The following EXT1 variants were observed in gnomAD, a reference collection of about 807,000 sequenced individuals.
EXT1 encodes exostosin glycosyltransferase 1, also known as exostosin-1.
Under a neutral mutation model 82.5 loss-of-function variants are expected in EXT1, and 20 were observed. The ratio of observed to expected loss-of-function variants is 0.24; its 90% CI spans 0.17 to 0.35. The LOEUF is 0.35. Ranked by LOEUF, EXT1 falls within the 10% of genes least tolerant of loss-of-function variation. The pLI, the probability that EXT1 is intolerant of heterozygous loss-of-function variation, is 1.00. For missense variants in EXT1, 757 were observed against 936.5 expected (o/e 0.81, Z 2.50); for synonymous variants, 348 against 350.8 (o/e 0.99, Z 0.09).
intron 1 of EXT1, among the ~76,000 whole-genome samples, chr8:117,953,521 T>C (rs559313803): frequency 6.6e-6 from 1 of 151,754 alleles, no homozygotes; most frequent in African/African-American, 2.4e-5. Flanking sequence ...GTGGGTCACA[T>C]GTATGGTGAC....
intron 1 of EXT1, among the ~76,000 whole-genome samples, chr8:117,993,683 C>T (rs970835981): frequency 1.3e-5 from 2 of 152,308 alleles, no homozygotes; most frequent in Admixed American, 6.5e-5. Flanking sequence ...TGGAGACTCA[C>T]AATCCATGAG....
intron 1 of EXT1, among the ~76,000 whole-genome samples, chr8:117,894,451 C>T (rs1323918200): frequency 6.6e-6 from 1 of 152,090 alleles, no homozygotes; most frequent in Non-Finnish European, 1.5e-5. Flanking sequence ...TTCCTAATCC[C>T]ACCTCTACTT....
chr8:118,091,044 G>A (rs949174722), intron 1 of EXT1, among the ~76,000 whole-genome samples: 11 of 152,074 alleles, frequency 7.2e-5, no homozygotes, highest in African/African-American at 2.7e-4. Context: ...AAGTCAAGGA[G>A]GGGACATCTT....
chr8:117,992,850 C>T (rs779090139), intron 1 of EXT1, among the ~76,000 whole-genome samples: 10 of 152,204 alleles, frequency 6.6e-5, no homozygotes, highest in African/African-American at 1.9e-4. Flanking sequence ...CTCTTCTTCC[C>T]GGAATTCTTA....
chr8:118,069,723 T>C (rs1158272264), intron 1 of EXT1, among the ~76,000 whole-genome samples: 2 of 152,120 alleles, frequency 1.3e-5, no homozygotes, highest in African/African-American at 4.8e-5. Context: ...GGCTTGGGTT[T>C]TTGTTTTTAT....
At chr8:117,839,192 G>A (rs1258157196) in intron 1 of EXT1, among the ~76,000 whole-genome samples, 2 of 152,204 alleles carry the variant, frequency 1.3e-5, no homozygotes, top group Non-Finnish European at 2.9e-5. Context: ...GCTGTGGGAA[G>A]AATACCCTTG....
chr8:117,898,531 G>T (rs957854339), intron 1 of EXT1, among the ~76,000 whole-genome samples: 1 of 152,152 alleles, frequency 6.6e-6, no homozygotes, highest in Non-Finnish European at 1.5e-5. Flanking sequence ...TTTTGATTCA[G>T]CCATTGTTTA....
At chr8:117,997,670 A>C (rs1815575101) in intron 1 of EXT1, among the ~76,000 whole-genome samples, 2 of 152,196 alleles carry the variant, frequency 1.3e-5, no homozygotes, top group Admixed American at 6.5e-5. Context: ...CAAAAAATAC[A>C]ATTTCCATTA....
At chr8:118,041,885 T>G (rs1586359765) in intron 1 of EXT1, among the ~76,000 whole-genome samples, 1 of 150,458 alleles carries the variant, frequency 6.6e-6, no homozygotes, top group South Asian at 2.1e-4. Context: ...GAGACAGAGG[T>G]TGCAGTGAGC....
At chr8:117,957,160 A>C (rs1026614550) in intron 1 of EXT1, among the ~76,000 whole-genome samples, 7 of 152,218 alleles carry the variant, frequency 4.6e-5, no homozygotes, top group Admixed American at 2.0e-4. Context: ...GAAGAGCCTC[A>C]AAAGTGCAGA....
At chr8:117,900,346 G>A (rs1813418453) in intron 1 of EXT1, among the ~76,000 whole-genome samples, 1 of 152,182 alleles carries the variant, frequency 6.6e-6, no homozygotes, top group African/African-American at 2.4e-5. Flanking sequence ...TCATGAGGAA[G>A]CTCCTCACAT....
intron 1 of EXT1, among the ~76,000 whole-genome samples, chr8:117,909,070 T>A (rs1273732381): frequency 6.6e-6 from 1 of 151,458 alleles, no homozygotes; most frequent in Non-Finnish European, 1.5e-5. Context: ...AGGCAGAGGT[T>A]GAAGTGAACC....
At chr8:118,101,738 C>A (rs889772772) in intron 1 of EXT1, among the ~76,000 whole-genome samples, 1 of 152,204 alleles carries the variant, frequency 6.6e-6, no homozygotes, top group Non-Finnish European at 1.5e-5. Context: ...GACCAATTAA[C>A]ACCTACAAAT....
At chr8:118,104,651 G>C (rs749848876) in intron 1 of EXT1, among the ~76,000 whole-genome samples, 64 of 152,138 alleles carry the variant, frequency 4.2e-4, no homozygotes, top group Non-Finnish European at 7.4e-4. Flanking sequence ...TTCAAATTTT[G>C]GATTTTTTTA....
chr8:117,861,527 C>CCCTGTTAG lies in EXT1; in HGVS notation c.963-24327_963-24326insCTAACAGG, dbSNP rs1812686590. 3.4e-3 allele frequency among the ~76,000 whole-genome samples: 292 copies of CCCTGTTAG among 86,588 alleles called. 1 individual carries two copies. The highest frequency in any genetic ancestry group is 5.0e-3 in the Non-Finnish European group (201 of 40,540). The allele number at this position is 86,588 out of a possible 152,430, so 56.8% of individuals were successfully genotyped here. On this transcript the variant is annotated intron_variant, in intron 1 of 10. Transcript: ENST00000378204. ...TTTTTTTTTTTGAGATAGAGTCTTGCTCTGTCACCCAGGCTGGAGGGCAGT... is the reference window on the plus strand; with the variant it reads ...TTTTTTTTTTTGAGATAGAGTCTTGCCCTGTTAGTCTGTCACCCAGGCTGGAGGGCAGT...
At chr8:118,043,066 T>A (rs758814015) in intron 1 of EXT1, among the ~76,000 whole-genome samples, 5 of 152,140 alleles carry the variant, frequency 3.3e-5, no homozygotes, top group Admixed American at 3.3e-4. Flanking sequence ...AGGGAGGAAA[T>A]GTTCCTCTCC....
At chr8:117,980,629 A>G (rs1282968832) in intron 1 of EXT1, among the ~76,000 whole-genome samples, 2 of 149,324 alleles carry the variant, frequency 1.3e-5, no homozygotes, top group East Asian at 4.0e-4. Flanking sequence ...CTGGGTTCTG[A>G]CCCAGTGGTC....
At chr8:118,033,433 C>T (rs1816368031) in intron 1 of EXT1, among the ~76,000 whole-genome samples, 2 of 152,184 alleles carry the variant, frequency 1.3e-5, no homozygotes, top group Admixed American at 1.3e-4. Context: ...AGTCAGACTT[C>T]TAGGACTCTA....
chr8:117,992,047 T>C (rs985502111), intron 1 of EXT1, among the ~76,000 whole-genome samples: 13 of 152,144 alleles, frequency 8.5e-5, no homozygotes, highest in African/African-American at 2.9e-4. Context: ...TACATGTTAT[T>C]CCTGACCAGA....
Sources: allele counts gnomAD v4.1 joint callset (sites outside exome capture counted in the v4.1 genomes callset), GRCh38; gene constraint gnomAD v4.1.1; transcripts MANE v1.5; gene names NCBI Gene and HGNC (gene_info 2026-07-23, HGNC 2026-07-21).